The following GALNTL6 variants were observed in gnomAD, a reference collection of about 807,000 sequenced individuals.
GALNTL6 encodes the protein polypeptide N-acetylgalactosaminyltransferase-like 6.
In GALNTL6, 46 loss-of-function variants were observed where a neutral mutation model predicts 73.7. The ratio of observed to expected loss-of-function variants is 0.62; its 90% CI spans 0.49 to 0.80. GALNTL6 has a LOEUF of 0.80. GALNTL6 is among the 30% of genes least tolerant of loss of function. The pLI, the probability that GALNTL6 is intolerant of heterozygous loss-of-function variation, is 0.00. For missense variants in GALNTL6, 604 were observed against 755.0 expected (o/e 0.80, Z 2.34); for synonymous variants, 259 against 263.7 (o/e 0.98, Z 0.17).
intron 10 of GALNTL6, among the ~76,000 whole-genome samples, chr4:172,984,964 C>A (rs907193320): frequency 2.6e-5 from 4 of 152,044 alleles, no homozygotes; most frequent in Non-Finnish European, 5.9e-5. Flanking sequence ...CAAAAAAGAA[C>A]CTGTACCCCC....
intron 3 of GALNTL6, among the ~76,000 whole-genome samples, chr4:172,309,760 T>C (rs538473773): frequency 6.6e-6 from 1 of 151,994 alleles, no homozygotes; most frequent in Non-Finnish European, 1.5e-5. Flanking sequence ...AATAGTTCAG[T>C]TTGGTAGCTG....
At chr4:172,272,454 A>C (rs1738689532) in intron 3 of GALNTL6, among the ~76,000 whole-genome samples, 1 of 152,180 alleles carries the variant, frequency 6.6e-6, no homozygotes, top group East Asian at 1.9e-4. Context: ...CTAGGTTACA[A>C]ACCTATACAG....
chr4:172,016,875 T>C lies in GALNTL6; in HGVS notation c.138+202157T>C, dbSNP rs545272417. On this transcript the variant is annotated intron_variant, in intron 2 of 12. Transcript: ENST00000506823. ...GATCCTTAGTTATAGAGAGTCTTTA[T>C]GTGCTGGCTTTCCCTCATGCTTGGT... 2.0e-5 allele frequency among the ~76,000 whole-genome samples: 3 copies of C among 152,222 alleles called. No individual in the cohort carries two copies. The East Asian group carries it at 5.8e-4, about 29-fold the overall frequency.
At chr4:172,098,856 C>A (rs1732430027) in intron 2 of GALNTL6, among the ~76,000 whole-genome samples, 1 of 152,028 alleles carries the variant, frequency 6.6e-6, no homozygotes, top group South Asian at 2.1e-4. Flanking sequence ...GATGATGATA[C>A]ACAGGTCAGT....
intron 5 of GALNTL6, among the ~76,000 whole-genome samples, chr4:172,471,056 A>G (rs1378859927): frequency 6.6e-6 from 1 of 152,144 alleles, no homozygotes; most frequent in Non-Finnish European, 1.5e-5. Context: ...AACTATAGTC[A>G]TTTCCTCTAG....
intron 5 of GALNTL6, among the ~76,000 whole-genome samples, chr4:172,749,466 T>C (rs912835140): frequency 6.6e-6 from 1 of 152,170 alleles, no homozygotes; most frequent in African/African-American, 2.4e-5. Context: ...GAAGGTTCTT[T>C]TATAAATTAC....
At chr4:172,189,184 T>C (rs1028560989) in intron 2 of GALNTL6, among the ~76,000 whole-genome samples, 1 of 152,180 alleles carries the variant, frequency 6.6e-6, no homozygotes, top group African/African-American at 2.4e-5. Flanking sequence ...CTTTTATGAA[T>C]GCCTTAGAGA....
chr4:171,916,191 A>G (rs111501403), intron 2 of GALNTL6, among the ~76,000 whole-genome samples: 3 of 152,080 alleles, frequency 2.0e-5, no homozygotes, highest in South Asian at 4.1e-4. Flanking sequence ...ATACATGTAT[A>G]CAACGTTTAA....
intron 5 of GALNTL6, among the ~76,000 whole-genome samples, chr4:172,481,240 C>T (rs1441795698): frequency 4.0e-5 from 6 of 150,812 alleles, no homozygotes; most frequent in African/African-American, 1.5e-4. Flanking sequence ...TCCTTCCTCC[C>T]GACCCGAGTT....
At chr4:172,980,573 C>T (rs1178056598) in intron 10 of GALNTL6, among the ~76,000 whole-genome samples, 1 of 152,140 alleles carries the variant, frequency 6.6e-6, no homozygotes, top group Non-Finnish European at 1.5e-5. Flanking sequence ...GGGCTGTCTT[C>T]CCACCTTGGA....
chr4:172,183,483 A>G (rs1210319017), intron 2 of GALNTL6, among the ~76,000 whole-genome samples: 1 of 152,220 alleles, frequency 6.6e-6, no homozygotes, highest in Non-Finnish European at 1.5e-5. Flanking sequence ...AAGAGTCCAC[A>G]TGAAAGGTGG....
At chr4:172,497,987 A>AGTTCTTTTTTTTTTTTTTT (rs1373032356) in intron 5 of GALNTL6, among the ~76,000 whole-genome samples, 1 of 61,194 alleles carries the variant, frequency 1.6e-5, no homozygotes, top group African/African-American at 6.1e-5. Flanking sequence ...GGAATGTCAC[A>AGTTCTTTTTTTTTTTTTTT]TTTCTTTTTT....
chr4:172,981,891 G>A (rs975844858), intron 10 of GALNTL6, among the ~76,000 whole-genome samples: 1 of 150,038 alleles, frequency 6.7e-6, no homozygotes, highest in African/African-American at 2.5e-5. Context: ...CTGCCTCCCA[G>A]GTTCAAGCGA....
At chr4:172,317,677 T>C (rs1212292702) in intron 4 of GALNTL6, among the ~76,000 whole-genome samples, 1 of 152,218 alleles carries the variant, frequency 6.6e-6, no homozygotes, top group Non-Finnish European at 1.5e-5. Flanking sequence ...AAAAATGTGA[T>C]CCGTTTTGAC....
At chr4:172,336,835 A>G (rs1741345488) in intron 4 of GALNTL6, among the ~76,000 whole-genome samples, 1 of 152,144 alleles carries the variant, frequency 6.6e-6, no homozygotes, top group African/African-American at 2.4e-5. Context: ...TAATGCTGTC[A>G]GTGAGGTGTT....
chr4:172,806,478 C>CCAAAGT (rs1740969962), intron 5 of GALNTL6, among the ~76,000 whole-genome samples: 1 of 152,152 alleles, frequency 6.6e-6, no homozygotes, highest in Non-Finnish European at 1.5e-5. Context: ...AAGTCTAAAT[C>CCAAAGT]CAAAGTTGGG....
intron 2 of GALNTL6, among the ~76,000 whole-genome samples, chr4:172,133,620 A>G (rs1486426171): frequency 6.6e-6 from 1 of 152,168 alleles, no homozygotes; most frequent in Non-Finnish European, 1.5e-5. Context: ...CCTGATTTGT[A>G]TGGGGTTGAG....
intron 2 of GALNTL6, among the ~76,000 whole-genome samples, chr4:171,904,268 A>G (rs921203655): frequency 7.9e-5 from 12 of 152,156 alleles, no homozygotes; most frequent in Non-Finnish European, 1.3e-4. Context: ...AGAATGTATA[A>G]CTAGAGTAAC....
intron 4 of GALNTL6, among the ~76,000 whole-genome samples, chr4:172,338,517 AG>A (rs1202402326): frequency 1.3e-5 from 2 of 151,980 alleles, no homozygotes; most frequent in African/African-American, 4.8e-5. Context: ...AATGTTGGAT[AG>A]GGTCTTTTGG....
Sources: gnomAD v4.1 joint callset for allele counts (sites outside exome capture counted in the v4.1 genomes callset) on GRCh38, gnomAD v4.1.1 for gene constraint, MANE v1.5 for transcripts, NCBI Gene and HGNC (gene_info 2026-07-23, HGNC 2026-07-21) for gene names.